Variants in GDNF observed in about 807,000 individuals in gnomAD.
The protein encoded by GDNF is glial cell derived neurotrophic factor.
In GDNF, 5 loss-of-function variants were observed where a neutral mutation model predicts 13.7. The observed-to-expected ratio is 0.36, with a 90% CI of 0.19 to 0.77. The LOEUF (loss-of-function observed/expected upper bound fraction) is 0.77, where lower values mean the gene tolerates loss of function less well. GDNF is among the 30% of genes least tolerant of loss of function. GDNF has a pLI of 0.51. For synonymous variants in GDNF, 122 were observed against 112.5 expected, an observed-to-expected ratio of 1.08 and a Z score of -0.53; for missense variants, 246 against 274.3, an observed-to-expected ratio of 0.90 and a Z score of 0.73.
chr5:37,838,475 C>T lies in GDNF; in HGVS notation c.-27+1032G>A. Among the ~76,000 whole-genome samples the T allele has an allele frequency of 6.6e-6, 1 of 152,220 alleles. No individual in the cohort carries two copies. The highest frequency in any genetic ancestry group is 1.9e-4 in the East Asian group (1 of 5,194). The stretch of plus-strand genomic sequence containing the variant: ...TGAGCAAGAGTCGAGCGCGTTCTAA[C>T]ATCTCCGCAGCAGGGGCCGGAAGAG... On this transcript the variant is annotated intron_variant, in intron 1 of 2. Coordinates refer to ENST00000326524, the MANE Select transcript of GDNF (RefSeq NM_000514.4). This position sits in a 1 kb window ranked among gnomAD's most constrained non-coding sequence, Gnocchi z 4.1.
intron 2 of GDNF, among the ~76,000 whole-genome samples, chr5:37,823,084 A>G (rs938054811): frequency 2.0e-5 from 3 of 152,232 alleles, no homozygotes; most frequent in African/African-American, 7.2e-5. Flanking sequence ...TTCACACAAC[A>G]TTAACTTTAA....
At chr5:37,822,976 T>G (rs954574710) in intron 2 of GDNF, among the ~76,000 whole-genome samples, 1 of 152,238 alleles carries the variant, frequency 6.6e-6, no homozygotes, top group African/African-American at 2.4e-5. Flanking sequence ...CTGTAAAACT[T>G]CTTGCATTAC....
In GDNF at chr5:37,838,573, A is replaced by G. The variant is rs1261547896; in HGVS notation, c.-27+934T>C. On this transcript the variant is annotated intron_variant, in intron 1 of 2. Coordinates refer to ENST00000326524, the MANE Select transcript of GDNF (RefSeq NM_000514.4). The surrounding 1 kb of genome is among the most constrained non-coding windows in gnomAD (Gnocchi z 4.1). ...GGGTAAGCCCCCCGGGGGCGCGCAC[A>G]TGGGTCCTGGCGGCGGATTCTACCA... 6.6e-6 allele frequency among the ~76,000 whole-genome samples: 1 copy of G among 152,218 alleles called. No individual in the cohort carries two copies. Among genetic ancestry groups the G allele is most frequent in the Non-Finnish European group, 1.5e-5 (1 of 68,026 alleles).
intron 2 of GDNF, 89 bp downstream of exon 2, chr5:37,834,557 C>T (rs2111718911): frequency 8.4e-7 from 1 of 1,195,944 alleles, no homozygotes; most frequent in Non-Finnish European, 1.1e-6. Context: ...AGCCATCAGG[C>T]TGGCTTGGGG....
Position 37,834,788 on chromosome 5 carries a change from T to C in GDNF, c.9A>G (p.Leu3=), listed in dbSNP as rs895812927. 6.2e-7 allele frequency: 1 copy of C among 1,613,056 alleles called. No individual in the cohort carries two copies. The highest frequency in any genetic ancestry group is 8.5e-7 in the Non-Finnish European group (1 of 1,179,592). The change falls in exon 2 of 3, where the codon TTA becomes TTG. Residue 3 remains leucine (L), a synonymous_variant. Coordinates refer to ENST00000326524, the MANE Select transcript of GDNF (RefSeq NM_000514.4). MK[L]WDVVAVCLVL... ...CCAGGCAGACAGCCACGACATCCCATAACTTCATCTTAAAGTCCCGTCCGG... is the reference window on the plus strand; with the variant it reads ...CCAGGCAGACAGCCACGACATCCCACAACTTCATCTTAAAGTCCCGTCCGG...
rs1017210469 is a variant in GDNF at position 37,838,632 on chromosome 5, G to A, written c.-27+875C>T. ...ACTAGCTGGGCCCCAGGAAGCTGGC[G>A]GGAACCCGCGAAAGTCCGTTTCCAG... is the stretch of plus-strand genomic sequence containing the variant. On this transcript the variant is annotated intron_variant, in intron 1 of 2. Transcript: ENST00000326524. This position sits in a 1 kb window ranked among gnomAD's most constrained non-coding sequence, Gnocchi z 4.1. Among the ~76,000 whole-genome samples, 2 of 152,192 alleles carry A rather than the reference G, an allele frequency of 1.3e-5. No homozygotes were observed. The highest frequency in any genetic ancestry group is 3.9e-4 in the East Asian group (2 of 5,180).
In GDNF at chr5:37,839,792, G is replaced by A. The variant is rs923696005; in HGVS notation, c.-312C>T. ...AGGTCCGAGCAGCCGCCGCTGCTTT[G>A]GGTGGGGGGCTGACAGGGCTGCGCG... On this transcript the variant is annotated 5_prime_UTR_variant, in exon 1 of 3. Coordinates refer to ENST00000326524, the MANE Select transcript of GDNF (RefSeq NM_000514.4). The surrounding 1 kb of genome is among the most constrained non-coding windows in gnomAD (Gnocchi z 5.5). The A allele has an allele frequency of 1.3e-5, 2 of 152,254 alleles. No individual in the cohort carries two copies. The highest frequency in any genetic ancestry group is 2.9e-5 in the Non-Finnish European group (2 of 68,114). 9.4% of individuals were successfully genotyped at this position (152,254 alleles called of 1,614,324 possible).
At position 37,814,686 on chromosome 5, in the gene GDNF, C is replaced by G. The variant is rs1365998896; in HGVS notation, c.*965G>C. 3.9e-5 allele frequency: 6 copies of G among 152,164 alleles called. No homozygotes were observed. Among genetic ancestry groups the G allele is most frequent in the East Asian group, 1.9e-4 (1 of 5,200 alleles). The allele number at this position is 152,164 out of a possible 1,614,324, so 9.4% of individuals were successfully genotyped here. A position where few individuals can be genotyped will look rare whatever the true frequency, so the allele number is the denominator to read the frequency against. Reference sequence around the variant, plus strand: ...AGTGAACGGTAATAAATAACAATAACTTAAATTTCAATAAATATCTTCTCT... The same window carrying G: ...AGTGAACGGTAATAAATAACAATAAGTTAAATTTCAATAAATATCTTCTCT... On this transcript the variant is annotated 3_prime_UTR_variant, in exon 3 of 3. Coordinates refer to ENST00000326524, the MANE Select transcript of GDNF (RefSeq NM_000514.4).
intron 2 of GDNF, among the ~76,000 whole-genome samples, chr5:37,819,582 AG>A (rs1297236234): frequency 6.6e-6 from 1 of 151,224 alleles, no homozygotes; most frequent in African/African-American, 2.4e-5. Flanking sequence ...CCTCCCAAGT[AG>A]CTGCAATTAC....
intron 2 of GDNF, among the ~76,000 whole-genome samples, chr5:37,833,341 C>G (rs894795785): frequency 6.6e-6 from 1 of 152,044 alleles, no homozygotes; most frequent in Non-Finnish European, 1.5e-5. Context: ...GAAATAAAAG[C>G]CTTTAAAGTA....
chr5:37,824,208 C>T (rs1003500395), intron 2 of GDNF: 3 of 173,182 alleles, frequency 1.7e-5, no homozygotes, highest in African/African-American at 7.2e-5. Context: ...TAGAGATGGG[C>T]CCCATGACCC....
chr5:37,825,585 A>C (rs1338584892), intron 2 of GDNF, among the ~76,000 whole-genome samples: 1 of 152,222 alleles, frequency 6.6e-6, no homozygotes, highest in East Asian at 1.9e-4. Context: ...CAGTAAAATT[A>C]AGTGCACAAA....
intron 2 of GDNF, among the ~76,000 whole-genome samples, chr5:37,829,443 A>G (rs1750439999): frequency 6.6e-6 from 1 of 152,182 alleles, no homozygotes; most frequent in African/African-American, 2.4e-5. Context: ...CTGACATTCT[A>G]TTCATCCATC....
At chr5:37,822,801 TGAAAA>T (rs1478320810) in intron 2 of GDNF, among the ~76,000 whole-genome samples, 1 of 152,184 alleles carries the variant, frequency 6.6e-6, no homozygotes, top group African/African-American at 2.4e-5. Flanking sequence ...CATACTTATA[TGAAAA>T]GAAAAGATCA....
rs1453914554 is a variant in GDNF, at chr5:37,834,889, G to A, written c.-26-67C>T. On this transcript the variant is annotated intron_variant, in intron 1 of 2. Transcript: ENST00000326524. ...GCACGTTAAGCCTGGGCTCCCTGCG[G>A]GTCCCTGCGCCCCTCTCCAACCTCG... 4.1e-6 allele frequency: 6 copies of A among 1,449,318 alleles called. No individual in the cohort carries two copies. The African/African-American group carries it at 8.4e-5, about 20-fold the overall frequency. The allele number at this position is 1,449,318 out of a possible 1,614,324, so 89.8% of individuals were successfully genotyped here.
At chr5:37,836,990 C>G (rs953342486) in intron 1 of GDNF, among the ~76,000 whole-genome samples, 2 of 152,244 alleles carry the variant, frequency 1.3e-5, no homozygotes, top group Non-Finnish European at 2.9e-5. Context: ...CCGCCAGCGC[C>G]CGGATCGAGC....
At chr5:37,820,639 G>A (rs62360373) in intron 2 of GDNF, among the ~76,000 whole-genome samples, 9,116 of 152,282 alleles carry the variant, frequency 0.06, 400 homozygotes, top group Non-Finnish European at 0.093. Context: ...GTAGCATTCT[G>A]GTGGGGGATG....
At position 37,817,351 on chromosome 5, in the gene GDNF, C is replaced by T. The variant is rs145708101; in HGVS notation, c.152-1216G>A. ...TTGGGTAGTAGGCCTCTTATGCCCC[C>T]CTCACCTCATTTTTCAGGTCATTTA... On this transcript the variant is annotated intron_variant, in intron 2 of 2. Coordinates refer to ENST00000326524, the MANE Select transcript of GDNF (RefSeq NM_000514.4). 4.6e-3 allele frequency among the ~76,000 whole-genome samples: 698 copies of T among 152,246 alleles called. 9 individuals are homozygous for T. Among genetic ancestry groups the T allele is most frequent in the South Asian group, 0.017 (83 of 4,824 alleles).
intron 1 of GDNF, among the ~76,000 whole-genome samples, chr5:37,836,667 C>G (rs928145257): frequency 1.3e-5 from 2 of 152,214 alleles, no homozygotes; most frequent in Admixed American, 6.5e-5. Context: ...CCCCTCAAGC[C>G]CCCCGCCGGT....
Sources: allele counts gnomAD v4.1 joint callset (sites outside exome capture counted in the v4.1 genomes callset), GRCh38; gene constraint gnomAD v4.1.1; non-coding constraint Gnocchi (gnomAD v3.1); transcripts MANE v1.5; gene names NCBI Gene and HGNC (gene_info 2026-07-23, HGNC 2026-07-21).